The following THSD7B variants were observed in gnomAD, a reference collection of about 807,000 sequenced individuals.
The protein encoded by THSD7B is thrombospondin type-1 domain-containing protein 7B.
THSD7B carries 138 observed loss-of-function variants against 213.6 expected under a neutral mutation model. The ratio of observed to expected loss-of-function variants is 0.65; its 90% CI spans 0.56 to 0.74. THSD7B has a LOEUF of 0.74. THSD7B is among the 30% of genes least tolerant of loss of function. THSD7B has a pLI of 0.00. For synonymous variants in THSD7B, 742 were observed against 687.0 expected (o/e 1.08, Z -1.25); for missense variants, 1,931 against 1,991.5 (o/e 0.97, Z 0.58).
At chr2:137,404,546 A>G (rs2105002934) in intron 12 of THSD7B, among the ~76,000 whole-genome samples, 1 of 111,020 alleles carries the variant, frequency 9.0e-6, no homozygotes, top group African/African-American at 2.7e-5. Flanking sequence ...ATACACACAT[A>G]CTATATATTT....
chr2:137,042,219 G>A (rs1390543024), intron 2 of THSD7B, among the ~76,000 whole-genome samples: 1 of 152,188 alleles, frequency 6.6e-6, no homozygotes, highest in Non-Finnish European at 1.5e-5. Context: ...AAGGACATAA[G>A]TGCTAGGCTT....
chr2:137,087,232 A>G (rs574777812), intron 3 of THSD7B, among the ~76,000 whole-genome samples: 25 of 152,318 alleles, frequency 1.6e-4, no homozygotes, highest in Non-Finnish European at 3.2e-4. Flanking sequence ...ACAGGTATAT[A>G]CATCTTAGTT....
chr2:136,999,740 T>C (rs1368247369), intron 2 of THSD7B, among the ~76,000 whole-genome samples: 2 of 151,274 alleles, frequency 1.3e-5, no homozygotes, highest in African/African-American at 4.9e-5. Flanking sequence ...ATTTTTCAAA[T>C]ATTGCACCCC....
intron 12 of THSD7B, among the ~76,000 whole-genome samples, chr2:137,308,410 G>T (rs1199517121): frequency 6.6e-6 from 1 of 152,018 alleles, no homozygotes; most frequent in African/African-American, 2.4e-5. Context: ...AAGTCGTGTG[G>T]GGGCTTTATA....
At chr2:137,573,153 A>G (rs975427989) in intron 17 of THSD7B, among the ~76,000 whole-genome samples, 6 of 152,114 alleles carry the variant, frequency 3.9e-5, no homozygotes, top group African/African-American at 1.4e-4. Flanking sequence ...GGCAAAATAA[A>G]TATTATTCAA....
chr2:137,078,229 C>A (rs1573808629), intron 3 of THSD7B, among the ~76,000 whole-genome samples: 1 of 152,118 alleles, frequency 6.6e-6, no homozygotes, highest in South Asian at 2.1e-4. Context: ...CTTACTGTAG[C>A]CTTGTAGTGT....
chr2:137,553,297 T>C (rs1019990315), intron 15 of THSD7B, among the ~76,000 whole-genome samples: 14 of 152,186 alleles, frequency 9.2e-5, no homozygotes, highest in Non-Finnish European at 1.9e-4. Flanking sequence ...TTCTATTTTT[T>C]TAATGTGGTT....
intron 2 of THSD7B, among the ~76,000 whole-genome samples, chr2:136,921,209 T>C (rs1433650442): frequency 7.2e-6 from 1 of 139,134 alleles, no homozygotes. Context: ...ACTGCCATCA[T>C]CTGGACACTC....
At chr2:137,575,744 T>TATATATATATATATA (rs1558845594) in intron 17 of THSD7B, among the ~76,000 whole-genome samples, 8 of 111,502 alleles carry the variant, frequency 7.2e-5, no homozygotes, top group African/African-American at 2.3e-4. Context: ...ATATATATAT[T>TATATATATATATATA]TTTACTTTAA....
At chr2:137,493,175 A>G (rs1238853877) in intron 15 of THSD7B, among the ~76,000 whole-genome samples, 1 of 148,586 alleles carries the variant, frequency 6.7e-6, no homozygotes, top group East Asian at 2.0e-4. Context: ...AAAGAAAAGT[A>G]TTTTTGAACA....
chr2:136,765,698 G>A lies in THSD7B; in HGVS notation c.-36+11G>A, dbSNP rs1459257246. On this transcript the variant is annotated intron_variant, in intron 1 of 27. Transcript: ENST00000409968. Reference sequence around the variant, plus strand: ...GCTCTGGCGAGACGGGTGAGTGCAAGCACGCGGAGCCCCGAGTCGGGGATG... The same window carrying A: ...GCTCTGGCGAGACGGGTGAGTGCAAACACGCGGAGCCCCGAGTCGGGGATG... 6.6e-6 allele frequency: 1 copy of A among 152,228 alleles called. No individual in the cohort carries two copies. Among genetic ancestry groups the A allele is most frequent in the Non-Finnish European group, 1.5e-5 (1 of 68,056 alleles). 9.4% of individuals were successfully genotyped at this position (152,228 alleles called of 1,614,324 possible).
intron 3 of THSD7B, among the ~76,000 whole-genome samples, chr2:137,079,481 C>G (rs1173128183): frequency 6.6e-6 from 1 of 152,094 alleles, no homozygotes; most frequent in Non-Finnish European, 1.5e-5. Context: ...TTATTTGTCT[C>G]TTCTAATGCT....
chr2:136,880,842 A>C (rs1683609269), intron 1 of THSD7B, among the ~76,000 whole-genome samples: 1 of 152,166 alleles, frequency 6.6e-6, no homozygotes, highest in East Asian at 1.9e-4. Context: ...GTAATCCATT[A>C]TGCACACTGA....
chr2:137,016,496 T>C (rs1686345158), intron 2 of THSD7B, among the ~76,000 whole-genome samples: 1 of 152,224 alleles, frequency 6.6e-6, no homozygotes, highest in Non-Finnish European at 1.5e-5. Flanking sequence ...GCCATCTTAC[T>C]GTGAAACCTA....
intron 21 of THSD7B, among the ~76,000 whole-genome samples, chr2:137,646,755 T>C (rs1683041404): frequency 6.6e-6 from 1 of 151,896 alleles, no homozygotes; most frequent in Non-Finnish European, 1.5e-5. Context: ...CCATTGTTTA[T>C]AAATTACCCA....
intron 20 of THSD7B, among the ~76,000 whole-genome samples, chr2:137,634,727 C>T (rs7579730): frequency 0.35 from 52,909 of 151,992 alleles, 10,859 homozygotes; most frequent in African/African-American, 0.57. Flanking sequence ...CATTTGACTT[C>T]CTTTCTTTTT....
At chr2:137,490,935 T>G (rs1272900733) in intron 15 of THSD7B, among the ~76,000 whole-genome samples, 1 of 152,234 alleles carries the variant, frequency 6.6e-6, no homozygotes, top group Admixed American at 6.5e-5. Flanking sequence ...TATCCAAACA[T>G]GGTTTTTCGA....
chr2:137,472,183 T>C (rs1228815270), intron 15 of THSD7B, among the ~76,000 whole-genome samples: 6 of 152,158 alleles, frequency 3.9e-5, no homozygotes, highest in Non-Finnish European at 8.8e-5. Flanking sequence ...TGCCAGAATA[T>C]GAGATTTGTG....
intron 1 of THSD7B, among the ~76,000 whole-genome samples, chr2:136,801,883 C>T (rs1254540020): frequency 1.3e-5 from 2 of 152,050 alleles, no homozygotes; most frequent in African/African-American, 4.8e-5. Context: ...GCATCTTAAA[C>T]CAGAGCATTA....
Sources: allele counts gnomAD v4.1 joint callset (sites outside exome capture counted in the v4.1 genomes callset), GRCh38; gene constraint gnomAD v4.1.1; transcripts MANE v1.5; gene names NCBI Gene and HGNC (gene_info 2026-07-23, HGNC 2026-07-21).